Variants in ASAP2 observed in about 807,000 individuals in gnomAD.
ASAP2 encodes arf-GAP with SH3 domain, ANK repeat and PH domain-containing protein 2.
A neutral mutation model predicts 131.4 loss-of-function variants in ASAP2; 45 were observed. That is an observed-to-expected ratio of 0.34 (90% CI 0.27 to 0.44). ASAP2 has a LOEUF of 0.44. ASAP2 is among the 20% of genes least tolerant of loss of function. The pLI is 1.00. For synonymous variants in ASAP2, 510 were observed against 503.0 expected (o/e 1.01, Z -0.19); for missense variants, 1,011 against 1,297.0 (o/e 0.78, Z 3.39).
chr2:9,212,358 G>A (rs1661625294), intron 1 of ASAP2, among the ~76,000 whole-genome samples: 2 of 152,172 alleles, frequency 1.3e-5, no homozygotes, highest in African/African-American at 2.4e-5. Flanking sequence ...TGGGGCTGTG[G>A]TGAGGGAGGG....
At chr2:9,368,669 T>A in intron 16 of ASAP2, 150 bp downstream of exon 16, 1 of 679,110 alleles carries the variant, frequency 1.5e-6, no homozygotes, top group Non-Finnish European at 2.5e-6. Flanking sequence ...TTAGTCACTT[T>A]AACCTTTTGG....
At chr2:9,297,269 G>A (rs764340667) in intron 2 of ASAP2, 31 bp from the exon 3 acceptor site, 3 of 1,607,554 alleles carry the variant, frequency 1.9e-6, no homozygotes, top group Non-Finnish European at 1.7e-6. Context: ...GCATGCCTGA[G>A]ACTCACAGCA....
chr2:9,320,674 T>C (rs975862607), intron 5 of ASAP2, among the ~76,000 whole-genome samples: 31 of 152,364 alleles, frequency 2.0e-4, no homozygotes, highest in African/African-American at 7.0e-4. Context: ...CGTTACTGTT[T>C]TTGATAGCAG....
chr2:9,218,936 TG>T (rs2147969972), intron 1 of ASAP2, among the ~76,000 whole-genome samples: 1 of 152,322 alleles, frequency 6.6e-6, no homozygotes, highest in Admixed American at 6.5e-5. Context: ...GGAGTTGATG[TG>T]GTGGTTGGTA....
chr2:9,254,310 A>T, intron 1 of ASAP2, among the ~76,000 whole-genome samples: 1 of 126,848 alleles, frequency 7.9e-6, no homozygotes, highest in Admixed American at 8.7e-5. Flanking sequence ...TCTATTAGTC[A>T]TTGTTGTTAA....
chr2:9,269,051 A>C (rs893912331), intron 1 of ASAP2, among the ~76,000 whole-genome samples: 1 of 152,174 alleles, frequency 6.6e-6, no homozygotes, highest in African/African-American at 2.4e-5. Context: ...GCCAGGGCTC[A>C]GCAAACCTTT....
chr2:9,355,632 C>T (rs1672650119), intron 12 of ASAP2, among the ~76,000 whole-genome samples: 1 of 152,168 alleles, frequency 6.6e-6, no homozygotes, highest in Non-Finnish European at 1.5e-5. Flanking sequence ...CTTAGAATTT[C>T]TCATACTAAT....
intron 1 of ASAP2, among the ~76,000 whole-genome samples, chr2:9,269,369 C>T (rs1045174389): frequency 2.6e-5 from 4 of 152,142 alleles, no homozygotes; most frequent in Admixed American, 6.5e-5. Context: ...CCTTAGCTCA[C>T]GGTTGGATAA....
chr2:9,312,256 G>A (rs539985071), intron 3 of ASAP2, among the ~76,000 whole-genome samples: 1 of 152,256 alleles, frequency 6.6e-6, no homozygotes, highest in South Asian at 2.1e-4. Flanking sequence ...TTTCTGATTA[G>A]AAAAGTAATA....
At chr2:9,306,687 G>T (rs534158059) in intron 3 of ASAP2, among the ~76,000 whole-genome samples, 1 of 152,146 alleles carries the variant, frequency 6.6e-6, no homozygotes, top group South Asian at 2.1e-4. Flanking sequence ...CTCCTGGCTC[G>T]CTGAGGGAAT....
chr2:9,250,742 C>CT (rs1473028257), intron 1 of ASAP2, among the ~76,000 whole-genome samples: 1 of 152,182 alleles, frequency 6.6e-6, no homozygotes, highest in African/African-American at 2.4e-5. Context: ...GTCTCAGCCC[C>CT]TGAGATGTTG....
chr2:9,359,299 C>T (rs923589243), intron 15 of ASAP2, among the ~76,000 whole-genome samples: 3 of 152,228 alleles, frequency 2.0e-5, no homozygotes, highest in African/African-American at 4.8e-5. Context: ...CTCAAGCCTC[C>T]GACTTCTCCC....
chr2:9,383,151 T>C (rs768504278), intron 20 of ASAP2, among the ~76,000 whole-genome samples: 2 of 152,066 alleles, frequency 1.3e-5, no homozygotes, highest in African/African-American at 2.4e-5. Context: ...GTGGAGTCAG[T>C]TGGTCACCAG....
intron 24 of ASAP2, 91 bp downstream of exon 24, chr2:9,393,738 G>T (rs1675905270): frequency 7.4e-7 from 1 of 1,352,894 alleles, no homozygotes; most frequent in African/African-American, 1.5e-5. Flanking sequence ...CAATCCCCAG[G>T]GCTCCTACTC....
At chr2:9,306,354 A>G (rs1668940399) in intron 3 of ASAP2, among the ~76,000 whole-genome samples, 2 of 151,766 alleles carry the variant, frequency 1.3e-5, no homozygotes, top group Admixed American at 6.6e-5. Flanking sequence ...GCAGGGATGC[A>G]GAAGAGCAGC....
At chr2:9,223,873 C>T (rs1322996061) in intron 1 of ASAP2, among the ~76,000 whole-genome samples, 1 of 152,120 alleles carries the variant, frequency 6.6e-6, no homozygotes, top group Non-Finnish European at 1.5e-5. Context: ...TCTCACTAAG[C>T]CACAGCAGAG....
intron 9 of ASAP2, among the ~76,000 whole-genome samples, chr2:9,344,183 C>G (rs1671792032): frequency 6.6e-6 from 1 of 152,190 alleles, no homozygotes; most frequent in South Asian, 2.1e-4. Flanking sequence ...CTCACTGCAT[C>G]ACCTCCCTCC....
At chr2:9,363,982 G>A (rs573313291) in intron 15 of ASAP2, among the ~76,000 whole-genome samples, 58 of 152,310 alleles carry the variant, frequency 3.8e-4, no homozygotes, top group African/African-American at 1.4e-3. Flanking sequence ...AATATCTTTA[G>A]ATTCTAAAGC....
At chr2:9,269,597 G>A (rs939396873) in intron 1 of ASAP2, among the ~76,000 whole-genome samples, 23 of 152,196 alleles carry the variant, frequency 1.5e-4, no homozygotes, top group Non-Finnish European at 3.2e-4. Flanking sequence ...CAGGGCCTCC[G>A]GGTGACCCCA....
Sources: allele counts gnomAD v4.1 joint callset (sites outside exome capture counted in the v4.1 genomes callset), GRCh38; gene constraint gnomAD v4.1.1; transcripts MANE v1.5; gene names NCBI Gene and HGNC (gene_info 2026-07-23, HGNC 2026-07-21).